Variants in CSMD3 observed in about 807,000 individuals in gnomAD.
The protein encoded by CSMD3 is CUB and sushi domain-containing protein 3.
In CSMD3, 177 loss-of-function variants were observed where a neutral mutation model predicts 435.2. That is an observed-to-expected ratio of 0.41 (90% CI 0.36 to 0.46). CSMD3 has a LOEUF of 0.46. Ranked by LOEUF, CSMD3 falls within the 20% of genes least tolerant of loss-of-function variation. The pLI is 0.34. For missense variants in CSMD3, 4,265 were observed against 4,504.6 expected, an observed-to-expected ratio of 0.95 and a Z score of 1.52; for synonymous variants, 1,656 against 1,520.5, an observed-to-expected ratio of 1.09 and a Z score of -2.07.
chr8:112,873,779 T>A (rs1033506613), intron 10 of CSMD3, among the ~76,000 whole-genome samples: 3 of 152,096 alleles, frequency 2.0e-5, no homozygotes, highest in African/African-American at 7.2e-5. Context: ...CATTTTTTAT[T>A]CTGTCTATTT....
At chr8:113,234,589 C>G (rs2093127128) in intron 3 of CSMD3, among the ~76,000 whole-genome samples, 1 of 152,148 alleles carries the variant, frequency 6.6e-6, no homozygotes, top group South Asian at 2.1e-4. Context: ...TAGGGCAATT[C>G]TACCACTTAT....
chr8:113,270,053 C>T (rs2093507885), intron 3 of CSMD3, among the ~76,000 whole-genome samples: 1 of 151,502 alleles, frequency 6.6e-6, no homozygotes, highest in Admixed American at 6.6e-5. Context: ...AAAATTTTTG[C>T]AATCTACTCA....
rs146682423 is a variant in CSMD3, at chr8:112,699,287, G to T, written c.1973-9237C>A. 2.8e-3 allele frequency among the ~76,000 whole-genome samples: 422 copies of T among 152,194 alleles called. 1 individual carries two copies. Among genetic ancestry groups the T allele is most frequent in the African/African-American group, 9.3e-3 (386 of 41,546 alleles). On this transcript the variant is annotated intron_variant, in intron 13 of 70. Transcript: ENST00000297405. ...AAGACCACGAACCCACCAGAAGGAAGAAACTCCGGACACGTCTGAACATCT... is the reference window on the plus strand; with the variant it reads ...AAGACCACGAACCCACCAGAAGGAATAAACTCCGGACACGTCTGAACATCT...
At chr8:113,399,684 G>C (rs1024605939) in intron 1 of CSMD3, among the ~76,000 whole-genome samples, 2 of 151,828 alleles carry the variant, frequency 1.3e-5, no homozygotes, top group African/African-American at 4.8e-5. Flanking sequence ...TAGATACAGA[G>C]TTTCTTTGAT....
intron 3 of CSMD3, among the ~76,000 whole-genome samples, chr8:113,204,938 T>TA (rs923880586): frequency 6.6e-6 from 1 of 151,574 alleles, no homozygotes; most frequent in Admixed American, 6.6e-5. Context: ...AGTCATGTCT[T>TA]ACATGAATGG....
At chr8:112,511,724 T>C (rs1823163767) in intron 28 of CSMD3, among the ~76,000 whole-genome samples, 1 of 152,146 alleles carries the variant, frequency 6.6e-6, no homozygotes, top group African/African-American at 2.4e-5. Context: ...TAAAGAAGTC[T>C]GCCGTAGTAC....
At chr8:113,372,928 G>A (rs1588619901) in intron 1 of CSMD3, among the ~76,000 whole-genome samples, 2 of 125,118 alleles carry the variant, frequency 1.6e-5, no homozygotes, top group Admixed American at 9.5e-5. Context: ...GCGACAGAGC[G>A]AGACTCCGTC....
chr8:113,216,340 T>C (rs2092905302), intron 3 of CSMD3, among the ~76,000 whole-genome samples: 1 of 151,896 alleles, frequency 6.6e-6, no homozygotes, highest in Admixed American at 6.6e-5. Context: ...CCTTATCTAA[T>C]TGTGTTTATT....
intron 1 of CSMD3, among the ~76,000 whole-genome samples, chr8:113,360,664 C>T (rs1014989617): frequency 2.0e-5 from 3 of 150,114 alleles, no homozygotes; most frequent in African/African-American, 7.4e-5. Flanking sequence ...AGCTCCGCCT[C>T]CCGGGTTCAC....
At chr8:113,429,562 T>G (rs1165019609) in intron 1 of CSMD3, among the ~76,000 whole-genome samples, 1 of 152,004 alleles carries the variant, frequency 6.6e-6, no homozygotes, top group Non-Finnish European at 1.5e-5. Flanking sequence ...ATCAGAAAAG[T>G]TTTTCACTCC....
intron 44 of CSMD3, among the ~76,000 whole-genome samples, chr8:112,336,078 AATTTTTT>A (rs1824531161): frequency 6.6e-6 from 1 of 151,822 alleles, no homozygotes; most frequent in Non-Finnish European, 1.5e-5. Context: ...ATGTCTGGCT[AATTTTTT>A]ATTTTTTCTA....
intron 5 of CSMD3, among the ~76,000 whole-genome samples, chr8:113,058,910 AAT>A (rs2088475363): frequency 6.6e-6 from 1 of 152,110 alleles, no homozygotes; most frequent in Non-Finnish European, 1.5e-5. Flanking sequence ...TACTGGAGAT[AAT>A]ATAGACTTCA....
chr8:113,002,593 G>A (rs957064836), intron 6 of CSMD3, among the ~76,000 whole-genome samples: 3 of 152,038 alleles, frequency 2.0e-5, no homozygotes, highest in African/African-American at 7.2e-5. Flanking sequence ...CTGTCTTGAT[G>A]AGAAAACTGG....
At chr8:112,822,866 G>A (rs1483135777) in intron 12 of CSMD3, among the ~76,000 whole-genome samples, 1 of 152,066 alleles carries the variant, frequency 6.6e-6, no homozygotes, top group Non-Finnish European at 1.5e-5. Context: ...TTGTATTGAA[G>A]GCCTTTTCTG....
intron 11 of CSMD3, among the ~76,000 whole-genome samples, chr8:112,836,654 T>C (rs2080033725): frequency 6.6e-6 from 1 of 151,804 alleles, no homozygotes; most frequent in African/African-American, 2.4e-5. Flanking sequence ...AATACGTAGT[T>C]TGAAGATAAA....
chr8:113,333,243 T>A lies in CSMD3; in HGVS notation c.179-18450A>T, dbSNP rs149681471. ...TACTCAATAGCTGTTCTTTTCATAT[T>A]CTTCATAGGGTGTATGACATAGCAA... On this transcript the variant is annotated intron_variant, in intron 1 of 70. Transcript: ENST00000297405. Among the ~76,000 whole-genome samples, 316 of 151,912 alleles carry A rather than the reference T, an allele frequency of 2.1e-3. 1 individual carries two copies. Among genetic ancestry groups the A allele is most frequent in the African/African-American group, 7.1e-3 (297 of 41,552 alleles).
intron 1 of CSMD3, among the ~76,000 whole-genome samples, chr8:113,326,317 A>G (rs1330572679): frequency 6.6e-6 from 1 of 151,462 alleles, no homozygotes; most frequent in African/African-American, 2.4e-5. Context: ...TTTTAAAGTG[A>G]CCATGTTGTT....
At chr8:112,635,211 G>A (rs1339662438) in intron 22 of CSMD3, among the ~76,000 whole-genome samples, 1 of 151,844 alleles carries the variant, frequency 6.6e-6, no homozygotes, top group African/African-American at 2.4e-5. Context: ...TATATTCAAG[G>A]GATTGTGCCA....
rs1032164107 is a variant in CSMD3, at chr8:112,265,741, A to G, written c.9509-151T>C. 5 of 692,982 alleles carry G rather than the reference A, an allele frequency of 7.2e-6. No individual in the cohort carries two copies. The East Asian group carries it at 1.4e-4, about 19-fold the overall frequency. 42.9% of individuals were successfully genotyped at this position (692,982 alleles called of 1,614,324 possible). A position where few individuals can be genotyped will look rare whatever the true frequency, so the allele number is the denominator to read the frequency against. On this transcript the variant is annotated intron_variant, in intron 59 of 70. Transcript: ENST00000297405. ...TAAAACATAAACATATTTAAACCAC[A>G]TACTGGCAATTCCTGATTATGATCA...
Sources: gnomAD v4.1 joint callset for allele counts (sites outside exome capture counted in the v4.1 genomes callset) on GRCh38, gnomAD v4.1.1 for gene constraint, MANE v1.5 for transcripts, NCBI Gene and HGNC (gene_info 2026-07-23, HGNC 2026-07-21) for gene names.